Variants in CNBP observed in about 807,000 individuals in gnomAD.
CNBP encodes the protein cellular nucleic acid-binding protein.
In CNBP, 6 loss-of-function variants were observed where a neutral mutation model predicts 21.2. The observed-to-expected ratio is 0.28, with a 90% confidence interval of 0.16 to 0.56. CNBP has a LOEUF of 0.56. Among genes scored for constraint, CNBP ranks in the 20% least tolerant of loss-of-function variants. The probability of loss-of-function intolerance (pLI) is 0.93; values close to 1 mark genes in which losing one functional copy is unlikely to be tolerated. For missense variants in CNBP, 112 were observed against 233.1 expected (o/e 0.48, Z 3.38); for synonymous variants, 61 against 74.9 (o/e 0.81, Z 0.96).
chr3:129,180,155 T>C (rs757224832), intron 1 of CNBP, among the ~76,000 whole-genome samples: 1 of 152,148 alleles, frequency 6.6e-6, no homozygotes, highest in African/African-American at 2.4e-5. Context: ...CATAAAGGTA[T>C]TACTACTATA....
At chr3:129,181,658 A>AAAAAAAAAAAAAAG (rs1156985879) in intron 1 of CNBP, among the ~76,000 whole-genome samples, 3 of 149,348 alleles carry the variant, frequency 2.0e-5, no homozygotes, top group Non-Finnish European at 4.5e-5. Flanking sequence ...TCAGAAAAAA[A>AAAAAAAAAAAAAAG]AAAAGAAAAA....
rs1393548962 is a variant in CNBP, at chr3:129,172,677, CAG to C, written c.-14-908_-14-907del. Among the ~76,000 whole-genome samples the C allele has an allele frequency of 9.1e-4, 106 of 117,050 alleles. 1 individual carries two copies. The highest frequency in any genetic ancestry group is 1.1e-3 in the African/African-American group (33 of 29,604). The allele number at this position is 117,050 out of a possible 152,430, so 76.8% of individuals were successfully genotyped here. On this transcript the variant is annotated intron_variant, in intron 1 of 4. Transcript: ENST00000422453. ...GCAGGCAGACAGACAGACAGACAGA[CAG>C]ACAGACAGACAGACAGACACACACA...
At position 129,176,288 on chromosome 3, in the gene CNBP, G is replaced by A. The variant is rs73212429; in HGVS notation, c.-14-4517C>T. 7.4e-3 allele frequency among the ~76,000 whole-genome samples: 1,123 copies of A among 152,086 alleles called. 6 individuals carry two copies. The highest frequency in any genetic ancestry group is 0.044 in the Middle Eastern group (13 of 294). ...TGTCACAACTTTTTCCAACCTTCAC[G>A]GGCCAACTCAAATGCCAACTCTATA... On this transcript the variant is annotated intron_variant, in intron 1 of 4. Transcript: ENST00000422453.
intron 1 of CNBP, among the ~76,000 whole-genome samples, chr3:129,179,681 G>A (rs535267292): frequency 3.9e-4 from 60 of 152,218 alleles, no homozygotes; most frequent in African/African-American, 1.3e-3. Context: ...CCAACATAGT[G>A]ACACCCCATC....
At chr3:129,174,577 A>C (rs527525716) in intron 1 of CNBP, among the ~76,000 whole-genome samples, 1 of 151,438 alleles carries the variant, frequency 6.6e-6, no homozygotes, top group Non-Finnish European at 1.5e-5. Flanking sequence ...AGGCAGGATA[A>C]TCTCTTGAAC....
chr3:129,179,144 G>T (rs1013407441), intron 1 of CNBP, among the ~76,000 whole-genome samples: 7 of 152,148 alleles, frequency 4.6e-5, no homozygotes, highest in African/African-American at 1.7e-4. Context: ...GGGTGTGGTG[G>T]CCCGTGCCTG....
intron 1 of CNBP, among the ~76,000 whole-genome samples, chr3:129,175,708 G>A (rs968287146): frequency 2.0e-5 from 3 of 152,190 alleles, no homozygotes; most frequent in East Asian, 3.9e-4. Flanking sequence ...GATTACAGGC[G>A]TGAGCCACTG....
intron 1 of CNBP, among the ~76,000 whole-genome samples, chr3:129,179,448 C>A (rs988236657): frequency 6.6e-6 from 1 of 152,116 alleles, no homozygotes; most frequent in African/African-American, 2.4e-5. Context: ...CATCCATTTC[C>A]GCCTGCCCTG....
At position 129,168,192 on chromosome 3, in the gene CNBP, TTGAAGTTCCAGGCTCTAACTGTACA is replaced by T. The variant is rs1937491891; in HGVS notation, c.*2236_*2260del. ...ACAGGGCATGGGGAGTGAATAATGG[TTGAAGTTCCAGGCTCTAACTGTACA>T]TCCTTAAGTAAATTAAGTTTAACTC... On this transcript the variant is annotated 3_prime_UTR_variant, in exon 5 of 5. Transcript: ENST00000422453. 6.6e-6 allele frequency among the ~76,000 whole-genome samples: 1 copy of T among 152,184 alleles called. No individual in the cohort carries two copies. The highest frequency in any genetic ancestry group is 2.4e-5 in the African/African-American group (1 of 41,440).
Position 129,168,965 on chromosome 3 carries a change from G to A in CNBP, c.*1488C>T, listed in dbSNP as rs12639262. 6.0e-3 allele frequency among the ~76,000 whole-genome samples: 916 copies of A among 151,730 alleles called. 17 individuals carry two copies. The highest frequency in any genetic ancestry group is 0.06 in the East Asian group (308 of 5,128). On this transcript the variant is annotated 3_prime_UTR_variant, in exon 5 of 5. Transcript: ENST00000422453. ...CAAAAAAAAAAAATTAGCTGGGCGCGGTGGCGGGTACCTGTAGCCCCAGCT... is the reference window on the plus strand; with the variant it reads ...CAAAAAAAAAAAATTAGCTGGGCGCAGTGGCGGGTACCTGTAGCCCCAGCT...
Position 129,171,075 on chromosome 3 carries a change from T to C in CNBP, c.416+4A>G, listed in dbSNP as rs1937559226. The C allele has an allele frequency of 2.5e-6, 4 of 1,610,298 alleles. No individual in the cohort carries two copies. The highest frequency in any genetic ancestry group is 3.4e-6 in the Non-Finnish European group (4 of 1,178,292). ...TTTCTTCTAACAACATTCTGACACC[T>C]TACCTATAGCACTTCACTTTGGTGC... On this transcript the variant is annotated splice_donor_region_variant and intron_variant, in intron 4 of 4. Transcript: ENST00000422453.
chr3:129,170,526 C>T lies in CNBP; in HGVS notation c.461G>A (p.Ser154Asn). 1 of 1,614,226 alleles carries T rather than the reference C, an allele frequency of 6.2e-7. No individual in the cohort carries two copies. The highest frequency in any genetic ancestry group is 8.5e-7 in the Non-Finnish European group (1 of 1,180,042). The change falls in exon 5 of 5, where the codon AGT becomes AAT. Residue 154 changes from serine (S) to asparagine (N), a missense_variant. Physicochemically the swap from Ser to Asn is conservative, Grantham distance 46. Transcript: ENST00000422453. ...GCCACAGCGGTAACAGTTGACTTCA[C>T]TTGTCTTGCTGCAGTTGATGGCTAC... is the stretch of plus-strand genomic sequence containing the variant. ...GHVAINCSKT[S>N]EVNCYRCGES...
chr3:129,174,150 T>G (rs533860658), intron 1 of CNBP, among the ~76,000 whole-genome samples: 4 of 152,216 alleles, frequency 2.6e-5, no homozygotes, highest in Non-Finnish European at 2.9e-5. Context: ...AAAAAAATTA[T>G]ATGGCTATGA....
At chr3:129,176,167 G>A (rs1937893507) in intron 1 of CNBP, among the ~76,000 whole-genome samples, 1 of 152,156 alleles carries the variant, frequency 6.6e-6, no homozygotes, top group African/African-American at 2.4e-5. Context: ...TAAGACAGCT[G>A]AGAATCATGG....
chr3:129,170,358 T>C lies in CNBP; in HGVS notation c.*95A>G, dbSNP rs1576907220. The C allele has an allele frequency of 9.7e-7, 1 of 1,031,058 alleles. No individual in the cohort carries two copies. Among genetic ancestry groups the C allele is most frequent in the Non-Finnish European group, 1.5e-6 (1 of 657,628 alleles). 63.9% of individuals were successfully genotyped at this position (1,031,058 alleles called of 1,614,324 possible). On this transcript the variant is annotated 3_prime_UTR_variant, in exon 5 of 5. Coordinates refer to ENST00000422453, the MANE Select transcript of CNBP (RefSeq NM_003418.5). ...CAAGTAAAGCTCACTGGCCTGGGAG[T>C]TGCCTCTATCTGCCAACCTTTGGCC...
In CNBP at chr3:129,169,603, AAT is replaced by A. The variant is rs746605807; in HGVS notation, c.*848_*849del. On this transcript the variant is annotated 3_prime_UTR_variant, in exon 5 of 5. Coordinates refer to ENST00000422453, the MANE Select transcript of CNBP (RefSeq NM_003418.5). ...CCCCTTCCTCCTCCAGCTTTATTGG[AAT>A]AGTTTAAAATTACATTTCTATTTTC... The A allele has an allele frequency of 7.2e-5, 15 of 208,720 alleles. No individual in the cohort carries two copies. The highest frequency in any genetic ancestry group is 5.9e-4 in the East Asian group (8 of 13,588). 12.9% of individuals were successfully genotyped at this position (208,720 alleles called of 1,614,324 possible).
chr3:129,178,749 A>ATT (rs538954518), intron 1 of CNBP, among the ~76,000 whole-genome samples: 1,533 of 144,796 alleles, frequency 0.011, 33 homozygotes, highest in African/African-American at 0.036. Flanking sequence ...AACACTTCAG[A>ATT]TTTTTTTTTT....
rs1374111179 is a variant in CNBP at position 129,172,628 on chromosome 3, G to A, written c.-14-857C>T. On this transcript the variant is annotated intron_variant, in intron 1 of 4. Transcript: ENST00000422453. ...GGCAGACAGGCAGACAGGCAGCCAG[G>A]CAGGCAGGCAGGCAGGCAGGCAGGC... Among the ~76,000 whole-genome samples the A allele has an allele frequency of 1.6e-3, 70 of 43,316 alleles. 1 individual carries two copies. Among genetic ancestry groups the A allele is most frequent in the East Asian group, 5.0e-3 (8 of 1,594 alleles). The allele number at this position is 43,316 out of a possible 152,430, so 28.4% of individuals were successfully genotyped here. A position where few individuals can be genotyped will look rare whatever the true frequency, so the allele number is the denominator to read the frequency against.
chr3:129,179,501 A>G (rs1938145365), intron 1 of CNBP, among the ~76,000 whole-genome samples: 1 of 152,188 alleles, frequency 6.6e-6, no homozygotes, highest in Non-Finnish European at 1.5e-5. Context: ...TCTATGAGTC[A>G]GTCATTAGTA....
Sources: allele counts gnomAD v4.1 joint callset (sites outside exome capture counted in the v4.1 genomes callset), GRCh38; gene constraint gnomAD v4.1.1; transcripts MANE v1.5; gene names NCBI Gene and HGNC (gene_info 2026-07-23, HGNC 2026-07-21).